Variants in WWOX observed in about 807,000 individuals in gnomAD.
WWOX encodes the protein WW domain-containing oxidoreductase.
WWOX carries 69 observed loss-of-function variants against 46.2 expected under a neutral mutation model. The ratio of observed to expected loss-of-function variants is 1.49; its 90% confidence interval spans 1.23 to 1.82. WWOX has a LOEUF of 1.82. Ranked by LOEUF, WWOX falls within the 40% of genes most tolerant of loss-of-function variation. WWOX has a pLI of 0.00. For synonymous variants in WWOX, 359 were observed against 202.6 expected (o/e 1.77, Z -6.56); for missense variants, 919 against 542.6 (o/e 1.69, Z -6.89).
chr16:78,940,674 C>CTT (rs61366482), intron 8 of WWOX, among the ~76,000 whole-genome samples: 4,079 of 138,522 alleles, frequency 0.029, 207 homozygotes, highest in African/African-American at 0.1. Flanking sequence ...CTTAGGTTAA[C>CTT]TTTTTTTTTT....
chr16:78,442,894 G>C lies in WWOX; in HGVS notation c.1056+10142G>C, dbSNP rs575055496. Among the ~76,000 whole-genome samples the C allele has an allele frequency of 9.9e-5, 15 of 152,122 alleles. No homozygotes were observed. In the East Asian group the frequency reaches 2.9e-3, roughly 29 times the overall value. On this transcript the variant is annotated intron_variant, in intron 8 of 8. Coordinates refer to ENST00000566780, the MANE Select transcript of WWOX (RefSeq NM_016373.4). ...TCCCAGCACTTTGGGAGGCCGAGCCGGGCGAATCACGAGGTCAGGAGATTG... is the reference window on the plus strand; with the variant it reads ...TCCCAGCACTTTGGGAGGCCGAGCCCGGCGAATCACGAGGTCAGGAGATTG...
chr16:79,028,103 A>T (rs1484402439), intron 8 of WWOX, among the ~76,000 whole-genome samples: 3 of 151,716 alleles, frequency 2.0e-5, no homozygotes, highest in Admixed American at 2.0e-4. Flanking sequence ...GGCACCTGCC[A>T]CGACGCCTGG....
chr16:78,526,946 C>T (rs1360770616), intron 8 of WWOX, among the ~76,000 whole-genome samples: 1 of 152,166 alleles, frequency 6.6e-6, no homozygotes, highest in East Asian at 1.9e-4. Context: ...AGGTGGATCA[C>T]CTGAGGTCAG....
intron 8 of WWOX, among the ~76,000 whole-genome samples, chr16:79,011,848 C>G (rs1287861549): frequency 6.6e-6 from 1 of 151,932 alleles, no homozygotes; most frequent in South Asian, 2.1e-4. Context: ...GAAATGGGGT[C>G]TCACTATGTT....
chr16:78,184,358 C>T (rs962448053), intron 5 of WWOX, among the ~76,000 whole-genome samples: 29 of 152,004 alleles, frequency 1.9e-4, no homozygotes, highest in Non-Finnish European at 3.8e-4. Context: ...TCTCATGATG[C>T]CAGAGAAAAT....
At chr16:79,087,803 C>T (rs2048880917) in intron 8 of WWOX, among the ~76,000 whole-genome samples, 1 of 152,174 alleles carries the variant, frequency 6.6e-6, no homozygotes, top group South Asian at 2.1e-4. Flanking sequence ...GAGGAAATCA[C>T]TGAAGCCACC....
intron 8 of WWOX, among the ~76,000 whole-genome samples, chr16:78,949,712 G>T (rs1281452668): frequency 6.6e-6 from 1 of 152,190 alleles, no homozygotes; most frequent in African/African-American, 2.4e-5. Flanking sequence ...TCGTGCCATA[G>T]CTGTCCCTGA....
At chr16:78,331,838 A>G (rs1304679873) in intron 5 of WWOX, among the ~76,000 whole-genome samples, 1 of 152,182 alleles carries the variant, frequency 6.6e-6, no homozygotes, top group Non-Finnish European at 1.5e-5. Flanking sequence ...TAATTCTTCC[A>G]ACAACGTGTC....
At chr16:78,597,134 G>C (rs933900682) in intron 8 of WWOX, among the ~76,000 whole-genome samples, 5 of 152,128 alleles carry the variant, frequency 3.3e-5, no homozygotes, top group African/African-American at 1.2e-4. Flanking sequence ...CTATTGCTTT[G>C]TTTATTTTAG....
At position 78,682,835 on chromosome 16, in the gene WWOX, T is replaced by G. The variant is rs527299894; in HGVS notation, c.1056+250083T>G. ...CATGGGACAAAGGATAATGCCTTAATGCCTGCTGCAAATAGAACAGTGGTG... is the reference window on the plus strand; with the variant it reads ...CATGGGACAAAGGATAATGCCTTAAGGCCTGCTGCAAATAGAACAGTGGTG... On this transcript the variant is annotated intron_variant, in intron 8 of 8. Coordinates refer to ENST00000566780, the MANE Select transcript of WWOX (RefSeq NM_016373.4). 3.1e-4 allele frequency among the ~76,000 whole-genome samples: 47 copies of G among 152,378 alleles called. 1 individual carries two copies. Among genetic ancestry groups the G allele is most frequent in the African/African-American group, 1.1e-3 (46 of 41,602 alleles).
chr16:78,187,944 C>T (rs1717879008), intron 5 of WWOX, among the ~76,000 whole-genome samples: 1 of 152,156 alleles, frequency 6.6e-6, no homozygotes, highest in Non-Finnish European at 1.5e-5. Flanking sequence ...GTAAGGTTTC[C>T]ATTTCCATTA....
chr16:78,414,894 C>G (rs528491473), intron 6 of WWOX, among the ~76,000 whole-genome samples: 35 of 152,016 alleles, frequency 2.3e-4, no homozygotes, highest in African/African-American at 8.0e-4. Context: ...AATCTAGACC[C>G]CAAGAGAGAG....
chr16:78,612,928 A>AT (rs1192305400), intron 8 of WWOX, among the ~76,000 whole-genome samples: 2 of 152,108 alleles, frequency 1.3e-5, no homozygotes, highest in Admixed American at 1.3e-4. Context: ...TATGTGTCTC[A>AT]TTTTTTTCCA....
intron 8 of WWOX, among the ~76,000 whole-genome samples, chr16:78,868,115 C>T (rs1267922522): frequency 6.6e-6 from 1 of 152,096 alleles, no homozygotes; most frequent in Non-Finnish European, 1.5e-5. Context: ...TAGCCAAACG[C>T]CGGAAATACC....
rs552092899 is a variant in WWOX at position 78,981,026 on chromosome 16, T to C, written c.1057-230582T>C. ...TGCTAAGAAGCGCTGTGTTGCGTCA[T>C]CATGGGGCATTTTTGTATGTCATGC... On this transcript the variant is annotated intron_variant, in intron 8 of 8. Coordinates refer to ENST00000566780, the MANE Select transcript of WWOX (RefSeq NM_016373.4). Among the ~76,000 whole-genome samples the C allele has an allele frequency of 9.2e-5, 14 of 152,326 alleles. 1 individual carries two copies. The highest frequency in any genetic ancestry group is 3.4e-4 in the African/African-American group (14 of 41,576).
intron 8 of WWOX, chr16:78,757,011 G>T (rs1326454981): frequency 1.4e-6 from 1 of 699,712 alleles, no homozygotes; most frequent in Non-Finnish European, 2.6e-6. Context: ...CCTGCCAACA[G>T]CCATGTGAGT....
intron 8 of WWOX, among the ~76,000 whole-genome samples, chr16:79,001,171 G>A (rs2047085221): frequency 6.6e-6 from 1 of 152,182 alleles, no homozygotes; most frequent in African/African-American, 2.4e-5. Context: ...GCTGCTGAAT[G>A]CACTTTTGAA....
intron 8 of WWOX, among the ~76,000 whole-genome samples, chr16:78,840,715 T>C (rs1288366221): frequency 3.9e-5 from 6 of 152,070 alleles, no homozygotes; most frequent in African/African-American, 1.4e-4. Flanking sequence ...TTTTCTTATT[T>C]AATTTTTGTG....
chr16:78,378,626 T>G (rs1381358384), intron 5 of WWOX, among the ~76,000 whole-genome samples: 2 of 152,214 alleles, frequency 1.3e-5, no homozygotes, highest in South Asian at 2.1e-4. Context: ...CGCCAGTGTC[T>G]CTTGCTGTTG....
Sources: gnomAD v4.1 joint callset for allele counts (sites outside exome capture counted in the v4.1 genomes callset) on GRCh38, gnomAD v4.1.1 for gene constraint, MANE v1.5 for transcripts, NCBI Gene and HGNC (gene_info 2026-07-23, HGNC 2026-07-21) for gene names.